Variants in POLH observed in about 807,000 individuals in gnomAD.
POLH encodes DNA polymerase eta transcript.
Under a neutral mutation model 73.6 loss-of-function variants are expected in POLH, and 53 were observed. That is an observed-to-expected ratio of 0.72 (90% confidence interval 0.58 to 0.91). The LOEUF is 0.91. Ranked by LOEUF, POLH falls within the 40% of genes least tolerant of loss-of-function variation. POLH has a pLI of 0.00. For synonymous variants in POLH, 292 were observed against 308.5 expected, an observed-to-expected ratio of 0.95 and a Z score of 0.56; for missense variants, 768 against 865.4, an observed-to-expected ratio of 0.89 and a Z score of 1.41.
In POLH at chr6:43,613,945, C is replaced by T. The variant is rs1156555573; in HGVS notation, c.1530C>T (p.Ser510=). Residue 510 remains serine (S), a synonymous_variant, in exon 11 of 11, where the codon AGC becomes AGT. Transcript: ENST00000372236. ...CTGCTCCCACTCAGGCTCCCATGAG[C>T]AATTCACCATCCAAGCCCTCATTAC... is the stretch of plus-strand genomic sequence containing the variant. ...SLTAPTQAPM[S]NSPSKPSLPF... The T allele has an allele frequency of 6.2e-7, 1 of 1,614,004 alleles. No individual in the cohort carries two copies. The highest frequency in any genetic ancestry group is 1.1e-5 in the South Asian group (1 of 91,084).
At chr6:43,594,695 A>G (rs1765848633) in intron 4 of POLH, among the ~76,000 whole-genome samples, 1 of 152,210 alleles carries the variant, frequency 6.6e-6, no homozygotes, top group Non-Finnish European at 1.5e-5. Flanking sequence ...CGTCTCAAAA[A>G]AAATAAAAAA....
In POLH at chr6:43,616,934, TATCCC is replaced by T; in HGVS notation, c.*2379_*2383del. 6.6e-6 allele frequency among the ~76,000 whole-genome samples: 1 copy of T among 152,276 alleles called. No individual in the cohort carries two copies. The highest frequency in any genetic ancestry group is 1.5e-5 in the Non-Finnish European group (1 of 68,014). The stretch of plus-strand genomic sequence containing the variant: ...GCCAGGCGTGGTGGTTTATGCCTGT[TATCCC>T]AGCACTTTGGGAGGCCAAGGCAGGT... On this transcript the variant is annotated 3_prime_UTR_variant, in exon 11 of 11. Coordinates refer to ENST00000372236, the MANE Select transcript of POLH (RefSeq NM_006502.3).
chr6:43,593,896 A>AAAG (rs1554139793), intron 4 of POLH, among the ~76,000 whole-genome samples: 18 of 146,162 alleles, frequency 1.2e-4, no homozygotes, highest in African/African-American at 2.5e-4. Flanking sequence ...AAAAAAAAAA[A>AAAG]AAAGAAAGAA....
intron 6 of POLH, among the ~76,000 whole-genome samples, chr6:43,602,946 G>A (rs1294465505): frequency 6.6e-6 from 1 of 150,468 alleles, no homozygotes; most frequent in African/African-American, 2.5e-5. Context: ...GGGATTACAG[G>A]CATGAACCAC....
chr6:43,605,699 CTT>C (rs1486577614), intron 9 of POLH, among the ~76,000 whole-genome samples: 1 of 151,714 alleles, frequency 6.6e-6, no homozygotes, highest in Non-Finnish European at 1.5e-5. Flanking sequence ...TTTAAGAAAT[CTT>C]TTTAAATTTT....
chr6:43,598,082 A>G (rs1426716708), intron 5 of POLH, among the ~76,000 whole-genome samples: 1 of 151,566 alleles, frequency 6.6e-6, no homozygotes, highest in Non-Finnish European at 1.5e-5. Context: ...GTGTACACCT[A>G]CAGTCCCAGC....
intron 1 of POLH, among the ~76,000 whole-genome samples, chr6:43,579,870 C>A (rs1027713973): frequency 1.3e-5 from 2 of 149,972 alleles, no homozygotes; most frequent in Non-Finnish European, 3.0e-5. Context: ...AGAAGTCTAC[C>A]TTATTGATTG....
intron 4 of POLH, among the ~76,000 whole-genome samples, chr6:43,596,833 C>A (rs901036676): frequency 6.6e-6 from 1 of 152,080 alleles, no homozygotes; most frequent in South Asian, 2.1e-4. Flanking sequence ...TGTATGTACT[C>A]AGAGTAAGAT....
intron 3 of POLH, among the ~76,000 whole-genome samples, chr6:43,586,426 A>T (rs1194049332): frequency 1.3e-5 from 2 of 152,236 alleles, no homozygotes. Context: ...GGTTGCAGTG[A>T]GGCGAGATGC....
At chr6:43,594,974 G>C (rs909138852) in intron 4 of POLH, among the ~76,000 whole-genome samples, 2 of 151,530 alleles carry the variant, frequency 1.3e-5, no homozygotes, top group African/African-American at 2.4e-5. Flanking sequence ...TATGGGGGGG[G>C]ATTGCTTGAG....
chr6:43,593,056 G>A (rs1191653686), intron 4 of POLH, among the ~76,000 whole-genome samples: 2 of 152,080 alleles, frequency 1.3e-5, no homozygotes, highest in African/African-American at 4.8e-5. Flanking sequence ...TTTTGAGATG[G>A]GGTCTCACTG....
intron 6 of POLH, among the ~76,000 whole-genome samples, chr6:43,601,721 C>G (rs1041339196): frequency 2.0e-5 from 3 of 151,838 alleles, no homozygotes; most frequent in Non-Finnish European, 2.9e-5. Context: ...CCCAGGAGGT[C>G]AAAACCAGTC....
chr6:43,617,498 A>G lies in POLH; in HGVS notation c.*2941A>G, dbSNP rs1768424925. 6.7e-6 allele frequency among the ~76,000 whole-genome samples: 1 copy of G among 149,826 alleles called. No individual in the cohort carries two copies. Among genetic ancestry groups the G allele is most frequent in the South Asian group, 2.1e-4 (1 of 4,674 alleles). ...AAAAATTAGGTGTGTGTGGTGACGC[A>G]TGCGTGTAATCCCAGCTACTTAGGA... On this transcript the variant is annotated 3_prime_UTR_variant, in exon 11 of 11. Coordinates refer to ENST00000372236, the MANE Select transcript of POLH (RefSeq NM_006502.3).
rs548852305 is a variant in POLH, at chr6:43,614,738, C to T, written c.*181C>T. 2.8e-4 allele frequency: 163 copies of T among 580,620 alleles called. No individual in the cohort carries two copies. Among genetic ancestry groups the T allele is most frequent in the Admixed American group, 6.4e-4 (20 of 31,340 alleles). The allele number at this position is 580,620 out of a possible 1,614,324, so 36.0% of individuals were successfully genotyped here. ...TCTTCACAGGCATGGATTCTAATCC[C>T]ACTGCTGACAGAGATGTAAAAATTC... On this transcript the variant is annotated 3_prime_UTR_variant, in exon 11 of 11. Transcript: ENST00000372236.
intron 10 of POLH, among the ~76,000 whole-genome samples, chr6:43,613,091 C>A (rs77417923): frequency 0.036 from 5,540 of 152,200 alleles, 350 homozygotes; most frequent in African/African-American, 0.13. Flanking sequence ...AGCCACCGCT[C>A]CCGGCTATCA....
rs1290628567 is a variant in POLH at position 43,604,660 on chromosome 6, T to TA, written c.933dup (p.Pro312ThrfsTer11). On this transcript the variant is annotated frameshift_variant, in exon 8 of 11. Transcript: ENST00000372236. LOFTEE classifies it high-confidence loss of function. ...GCCGAGGGATTGAACATGATCCAGT[T>TA]AAACCCAGGCAACTACCCAAAACCA... The TA allele has an allele frequency of 6.2e-7, 1 of 1,613,954 alleles. No individual in the cohort carries two copies. The highest frequency in any genetic ancestry group is 1.3e-5 in the African/African-American group (1 of 74,936).
Position 43,613,894 on chromosome 6 carries a change from TA to T in POLH, c.1482del (p.Glu495LysfsTer15). On this transcript the variant is annotated frameshift_variant, in exon 11 of 11. Transcript: ENST00000372236. LOFTEE classifies it high-confidence loss of function. ...AAAAAGCTGCAGAAAGGCAGAAAGT[TA>T]AAGAAGCTTCGCTTTCATCTCTTAC... ...FQKAAERQKV[K>X]EASLSSLTAP... 1.2e-6 allele frequency: 2 copies of T among 1,614,156 alleles called. No individual in the cohort carries two copies. The highest frequency in any genetic ancestry group is 1.7e-6 in the Non-Finnish European group (2 of 1,180,046).
intron 10 of POLH, among the ~76,000 whole-genome samples, chr6:43,612,919 A>G (rs1768053464): frequency 6.7e-6 from 1 of 150,238 alleles, no homozygotes; most frequent in Admixed American, 6.7e-5. Context: ...CTTCTGCCTC[A>G]GCCTCCCAAG....
rs1768512281 is a variant in POLH at position 43,618,760 on chromosome 6, AG to A, written c.*4204del. 6.6e-6 allele frequency among the ~76,000 whole-genome samples: 1 copy of A among 152,014 alleles called. No individual in the cohort carries two copies. The highest frequency in any genetic ancestry group is 1.5e-5 in the Non-Finnish European group (1 of 68,004). On this transcript the variant is annotated 3_prime_UTR_variant, in exon 11 of 11. Coordinates refer to ENST00000372236, the MANE Select transcript of POLH (RefSeq NM_006502.3). The stretch of plus-strand genomic sequence containing the variant: ...ATTCTCCTGCATCAGCCTCCTGAGT[AG>A]CTGGGATTATAGGCATGCACCATCA...
Sources: gnomAD v4.1 joint callset for allele counts (sites outside exome capture counted in the v4.1 genomes callset) on GRCh38, gnomAD v4.1.1 for gene constraint, MANE v1.5 for transcripts, NCBI Gene and HGNC (gene_info 2026-07-23, HGNC 2026-07-21) for gene names.